PYROXD1: variants seen among roughly 807,000 people sequenced by gnomAD.
PYROXD1 encodes pyridine nucleotide-disulphide oxidoreductase domain 1.
A neutral mutation model predicts 62.0 loss-of-function variants in PYROXD1; 42 were observed. The observed-to-expected ratio is 0.68, with a 90% CI of 0.53 to 0.88. The LOEUF (loss-of-function observed/expected upper bound fraction) is 0.88. Ranked by LOEUF, PYROXD1 falls within the 40% of genes least tolerant of loss-of-function variation. The pLI, the probability that PYROXD1 is intolerant of heterozygous loss-of-function variation, is 0.00. For missense variants in PYROXD1, 493 were observed against 604.8 expected (o/e 0.82, Z 1.94); for synonymous variants, 170 against 206.4 (o/e 0.82, Z 1.51).
intron 3 of PYROXD1, 77 bp downstream of exon 3, chr12:21,445,543 G>A: frequency 7.3e-7 from 1 of 1,367,078 alleles, no homozygotes; most frequent in Non-Finnish European, 9.7e-7. Flanking sequence ...TTTCACTCCA[G>A]CTCTACTACC....
chr12:21,459,562 A>T (rs941021376), intron 7 of PYROXD1, among the ~76,000 whole-genome samples: 2 of 152,204 alleles, frequency 1.3e-5, no homozygotes, highest in African/African-American at 4.8e-5. Context: ...GGTTAGTCAG[A>T]CCAACTGGTA....
At position 21,453,845 on chromosome 12, in the gene PYROXD1, A is replaced by T. The variant is rs187679659; in HGVS notation, c.489-1287A>T. ...TATTACTTTAAATTTAAAAATGGTA[A>T]TATAGAGAAATTCCCAGTTTTTCAA... is the stretch of plus-strand genomic sequence containing the variant. On this transcript the variant is annotated intron_variant, in intron 5 of 11. Transcript: ENST00000240651. 5.9e-5 allele frequency among the ~76,000 whole-genome samples: 9 copies of T among 152,172 alleles called. 1 individual carries two copies. Among genetic ancestry groups the T allele is most frequent in the Admixed American group, 5.2e-4 (8 of 15,288 alleles).
intron 7 of PYROXD1, among the ~76,000 whole-genome samples, chr12:21,459,998 A>T (rs918305357): frequency 6.6e-6 from 1 of 152,190 alleles, no homozygotes; most frequent in Non-Finnish European, 1.5e-5. Context: ...GGATAAGGAG[A>T]TGATTTGCTT....
intron 2 of PYROXD1, 123 bp downstream of exon 2, chr12:21,440,571 A>T: frequency 3.5e-6 from 2 of 573,876 alleles, no homozygotes; most frequent in South Asian, 5.2e-5. Context: ...TATATGCTGT[A>T]CAACATGATG....
chr12:21,455,059 A>G (rs1942569874), intron 5 of PYROXD1, 73 bp from the exon 6 acceptor site: 1 of 868,142 alleles, frequency 1.2e-6, no homozygotes, highest in Non-Finnish European at 1.6e-6. Context: ...TCAGGAGATC[A>G]TTATTTGCAA....
chr12:21,442,607 G>T (rs1173069491), intron 2 of PYROXD1, among the ~76,000 whole-genome samples: 1 of 151,140 alleles, frequency 6.6e-6, no homozygotes, highest in African/African-American at 2.4e-5. Context: ...GAGTGACCAT[G>T]GCCCTGGGGT....
rs1400782459 is a variant in PYROXD1 at position 21,452,055 on chromosome 12, A to G, written c.415-26A>G. The G allele has an allele frequency of 2.2e-6, 3 of 1,353,754 alleles. No homozygotes were observed. The South Asian group carries it at 3.8e-5, about 17-fold the overall frequency. 83.9% of individuals were successfully genotyped at this position (1,353,754 alleles called of 1,614,324 possible). On this transcript the variant is annotated intron_variant, in intron 4 of 11. Coordinates refer to ENST00000240651, the MANE Select transcript of PYROXD1 (RefSeq NM_024854.5). ...TTATTGCCCACTATTACAAAATACT[A>G]CCTCATTATTTTCTTTTTAACATAG...
Position 21,458,061 on chromosome 12 carries a change from C to T in PYROXD1, c.750+1966C>T, listed in dbSNP as rs557438186. Reference sequence around the variant, plus strand: ...TCCCCTAACAGGAGAGTCTGCCTGTCCTTTGAAGCCAGGCATTGACTTCTC... The same window carrying T: ...TCCCCTAACAGGAGAGTCTGCCTGTTCTTTGAAGCCAGGCATTGACTTCTC... On this transcript the variant is annotated intron_variant, in intron 7 of 11. Transcript: ENST00000240651. Among the ~76,000 whole-genome samples the T allele has an allele frequency of 6.0e-4, 91 of 152,268 alleles. 2 individuals are homozygous for T. The highest frequency in any genetic ancestry group is 5.6e-3 in the South Asian group (27 of 4,822).
chr12:21,442,479 G>T (rs1392808121), intron 2 of PYROXD1, among the ~76,000 whole-genome samples: 2 of 152,154 alleles, frequency 1.3e-5, no homozygotes, highest in Non-Finnish European at 2.9e-5. Context: ...GTGCAGTGAG[G>T]ATTGGTTGCA....
chr12:21,459,928 A>G (rs557675116), intron 7 of PYROXD1, among the ~76,000 whole-genome samples: 8 of 152,348 alleles, frequency 5.3e-5, no homozygotes, highest in African/African-American at 1.9e-4. Flanking sequence ...CTTCAGATGC[A>G]TGCAGTAAAC....
intron 4 of PYROXD1, 28 bp from the exon 5 acceptor site, chr12:21,452,050 ATAC>A: frequency 2.2e-6 from 3 of 1,347,292 alleles, no homozygotes; most frequent in Non-Finnish European, 3.1e-6. Context: ...CTATTACAAA[ATAC>A]TACCTCATTA....
At chr12:21,438,168 TCTCA>T (rs1241975279) in intron 1 of PYROXD1, 2 of 197,816 alleles carry the variant, frequency 1.0e-5, no homozygotes, top group East Asian at 1.4e-4. Flanking sequence ...TGAGACGGAG[TCTCA>T]CTCTGTCGCC....
At chr12:21,445,839 C>G (rs1942376500) in intron 3 of PYROXD1, among the ~76,000 whole-genome samples, 1 of 152,018 alleles carries the variant, frequency 6.6e-6, no homozygotes, top group African/African-American at 2.4e-5. Flanking sequence ...ATATAAAAAA[C>G]ACAGTCACTG....
chr12:21,454,459 G>A (rs966039190), intron 5 of PYROXD1, among the ~76,000 whole-genome samples: 11 of 151,912 alleles, frequency 7.2e-5, no homozygotes, highest in Non-Finnish European at 1.5e-4. Flanking sequence ...CAGGGACTTT[G>A]TGAAAGGAAT....
chr12:21,459,249 A>G (rs6487229), intron 7 of PYROXD1, among the ~76,000 whole-genome samples: 75,093 of 151,930 alleles, frequency 0.49, 18,596 homozygotes, highest in Middle Eastern at 0.59. Flanking sequence ...AGCAGCCAGT[A>G]ATTTAATCAG....
chr12:21,443,353 T>G (rs917945587), intron 2 of PYROXD1, among the ~76,000 whole-genome samples: 3 of 151,638 alleles, frequency 2.0e-5, no homozygotes, highest in African/African-American at 7.3e-5. Context: ...TGGGTAGGGG[T>G]GTGTGTGTGT....
chr12:21,441,242 C>G (rs914695336), intron 2 of PYROXD1: 2 of 152,218 alleles, frequency 1.3e-5, no homozygotes, highest in African/African-American at 4.8e-5. Context: ...CCAGGCTGGT[C>G]TGGAACTCCT....
At chr12:21,441,572 C>A (rs1022226981) in intron 2 of PYROXD1, among the ~76,000 whole-genome samples, 2 of 151,980 alleles carry the variant, frequency 1.3e-5, no homozygotes, top group African/African-American at 4.8e-5. Context: ...TAGTCTGTTG[C>A]ATTTTTTTTT....
At position 21,470,111 on chromosome 12, in the gene PYROXD1, T is replaced by C. The variant is rs1565559420; in HGVS notation, c.*1357T>C. 2 of 1,431,206 alleles carry C rather than the reference T, an allele frequency of 1.4e-6. No individual in the cohort carries two copies. Among genetic ancestry groups the C allele is most frequent in the South Asian group, 1.3e-5 (1 of 76,482 alleles). The allele number at this position is 1,431,206 out of a possible 1,614,324, so 88.7% of individuals were successfully genotyped here. A position where few individuals can be genotyped will look rare whatever the true frequency, so the allele number is the denominator to read the frequency against. On this transcript the variant is annotated 3_prime_UTR_variant, in exon 12 of 12. Coordinates refer to ENST00000240651, the MANE Select transcript of PYROXD1 (RefSeq NM_024854.5). Reference sequence around the variant, plus strand: ...CATATAAAATATCTATGAAATTCTTTTAAAAACTATTGTCTAACTACAAAA... The same window carrying C: ...CATATAAAATATCTATGAAATTCTTCTAAAAACTATTGTCTAACTACAAAA...
Sources: allele counts gnomAD v4.1 joint callset (sites outside exome capture counted in the v4.1 genomes callset), GRCh38; gene constraint gnomAD v4.1.1; transcripts MANE v1.5; gene names NCBI Gene and HGNC (gene_info 2026-07-23, HGNC 2026-07-21).